Variants in P2RX5 observed in about 807,000 individuals in gnomAD.
P2RX5 encodes the protein P2X purinoceptor 5.
Under a neutral mutation model 54.1 loss-of-function variants are expected in P2RX5, and 46 were observed. The observed-to-expected ratio is 0.85, with a 90% CI of 0.67 to 1.09. The LOEUF (loss-of-function observed/expected upper bound fraction) is 1.09, where lower values mean the gene tolerates loss of function less well. Among genes scored for constraint, P2RX5 ranks in the 50% least tolerant of loss-of-function variants. The pLI, the probability that P2RX5 is intolerant of heterozygous loss-of-function variation, is 0.00. For missense variants in P2RX5, 566 were observed against 549.8 expected, an observed-to-expected ratio of 1.03 and a Z score of -0.29; for synonymous variants, 226 against 226.4, an observed-to-expected ratio of 1.00 and a Z score of 0.02.
chr17:3,714,146 C>T, the P2RX5 span, among the ~76,000 whole-genome samples: 1 of 151,910 alleles, frequency 6.6e-6, no homozygotes, highest in Non-Finnish European at 1.5e-5. Context: ...CCAGGATGGT[C>T]TCCATCTCCT....
chr17:3,690,703 T>G, intron 3 of P2RX5, 23 bp from the exon 4 acceptor site: 2 of 1,611,002 alleles, frequency 1.2e-6, no homozygotes, highest in Non-Finnish European at 1.7e-6. Flanking sequence ...AAGGGGCACC[T>G]GGATGGGGGG....
chr17:3,682,183 G>T, intron 9 of P2RX5: 1 of 613,826 alleles, frequency 1.6e-6, no homozygotes, highest in South Asian at 1.8e-5. Flanking sequence ...CTGGACTGGA[G>T]CTCCCCCGAT....
Position 3,673,715 on chromosome 17 carries a change from G to A in P2RX5, c.*153C>T, listed in dbSNP as rs1354327374. 1 of 1,586,106 alleles carries A rather than the reference G, an allele frequency of 6.3e-7. No homozygotes were observed. The highest frequency in any genetic ancestry group is 8.6e-7 in the Non-Finnish European group (1 of 1,166,756). ...CAGCATCAGACGTGGAGGTCACTTT[G>A]CTCTGTGATGGCTGGTCCCTGTGAT... On this transcript the variant is annotated 3_prime_UTR_variant, in exon 12 of 12. Coordinates refer to ENST00000225328, the MANE Select transcript of P2RX5 (RefSeq NM_002561.4).
intron 10 of P2RX5, among the ~76,000 whole-genome samples, chr17:3,680,272 T>C (rs370672588): frequency 6.6e-3 from 240 of 36,270 alleles, no homozygotes; most frequent in Middle Eastern, 0.022. Flanking sequence ...CTCCACCCAG[T>C]GTCCTCCACC....
chr17:3,684,336 G>A (rs1331970441), intron 9 of P2RX5, among the ~76,000 whole-genome samples: 1 of 152,266 alleles, frequency 6.6e-6, no homozygotes, highest in East Asian at 1.9e-4. Context: ...GGGCGCGGTG[G>A]CTCACGCCCA....
chr17:3,715,090 C>T, the P2RX5 span: 2 of 603,950 alleles, frequency 3.3e-6, no homozygotes, highest in Non-Finnish European at 5.9e-6. Flanking sequence ...CTCTGAATCT[C>T]TCCTGGAGAG....
In P2RX5 at chr17:3,687,999, A is replaced by C. The variant is rs1255365780; in HGVS notation, c.981+13T>G. 8.2e-7 allele frequency: 1 copy of C among 1,218,872 alleles called. No homozygotes were observed. Among genetic ancestry groups the C allele is most frequent in the African/African-American group, 1.6e-5 (1 of 61,432 alleles). 75.5% of individuals were successfully genotyped at this position (1,218,872 alleles called of 1,614,324 possible). ...CCCCCGCCCAGCCTCAGAACAGGAG[A>C]AGGCACACGCACCTTGCCGTTCACC... On this transcript the variant is annotated intron_variant, in intron 9 of 11. Transcript: ENST00000225328.
At chr17:3,711,129 CA>C in the P2RX5 span, among the ~76,000 whole-genome samples, 1 of 152,138 alleles carries the variant, frequency 6.6e-6, no homozygotes, top group Non-Finnish European at 1.5e-5. Context: ...ACCTAAAAGG[CA>C]GCTTGTAGAA....
chr17:3,704,738 G>A, the P2RX5 span, among the ~76,000 whole-genome samples: 1 of 152,200 alleles, frequency 6.6e-6, no homozygotes, highest in African/African-American at 2.4e-5. Context: ...CGGGTGTGGT[G>A]GCTCACACCT....
chr17:3,674,219 G>A (rs2050048005), intron 11 of P2RX5, among the ~76,000 whole-genome samples: 1 of 152,192 alleles, frequency 6.6e-6, no homozygotes, highest in African/African-American at 2.4e-5. Flanking sequence ...GCTCAGGCAG[G>A]GGAATGGCGT....
chr17:3,695,482 G>C (rs933840561), intron 1 of P2RX5, among the ~76,000 whole-genome samples: 2 of 152,270 alleles, frequency 1.3e-5, no homozygotes, highest in African/African-American at 4.8e-5. Context: ...TCAGCTGCCA[G>C]GCCAAGGCCC....
intron 10 of P2RX5, among the ~76,000 whole-genome samples, chr17:3,680,835 G>A (rs537459872): frequency 2.3e-4 from 25 of 109,678 alleles, no homozygotes; most frequent in African/African-American, 4.4e-4. Flanking sequence ...TCCACCCAGC[G>A]TCCTCCACCC....
Position 3,690,066 on chromosome 17 carries a change from G to A in P2RX5, c.614+4C>T, listed in dbSNP as rs762752080. 2.5e-6 allele frequency: 4 copies of A among 1,613,878 alleles called. No individual in the cohort carries two copies. The highest frequency in any genetic ancestry group is 2.2e-5 in the East Asian group (1 of 44,878). On this transcript the variant is annotated splice_donor_region_variant and intron_variant, in intron 6 of 11. Coordinates refer to ENST00000225328, the MANE Select transcript of P2RX5 (RefSeq NM_002561.4). The stretch of plus-strand genomic sequence containing the variant: ...CGTGGCCCCCAGTAGCCAAGCCCAC[G>A]TACTTGGAGAAGTTGAATTTGGGGA...
the P2RX5 span, among the ~76,000 whole-genome samples, chr17:3,706,871 A>C: frequency 6.6e-6 from 1 of 152,208 alleles, no homozygotes; most frequent in Non-Finnish European, 1.5e-5. Context: ...CGGCCTCCCA[A>C]AGTGCTGGGA....
At chr17:3,695,556 C>A (rs2050733380) in intron 1 of P2RX5, among the ~76,000 whole-genome samples, 1 of 152,154 alleles carries the variant, frequency 6.6e-6, no homozygotes, top group Non-Finnish European at 1.5e-5. Flanking sequence ...CTTCCCATGG[C>A]CCTAACACGT....
chr17:3,714,846 C>T, the P2RX5 span: 1 of 1,581,570 alleles, frequency 6.3e-7, no homozygotes, highest in East Asian at 2.2e-5. Flanking sequence ...GATAGCAGGT[C>T]CTAATTCTCT....
the P2RX5 span, among the ~76,000 whole-genome samples, chr17:3,713,832 A>G: frequency 3.3e-5 from 5 of 150,238 alleles, no homozygotes; most frequent in Non-Finnish European, 5.9e-5. Context: ...AAAGATATCA[A>G]TGCTCCCAAA....
At chr17:3,683,878 G>A (rs1291824245) in intron 9 of P2RX5, among the ~76,000 whole-genome samples, 2 of 152,192 alleles carry the variant, frequency 1.3e-5, no homozygotes, top group East Asian at 1.9e-4. Context: ...TCCCAGGAAC[G>A]TGGTCCTGGT....
the P2RX5 span, chr17:3,717,661 G>C: frequency 7.2e-5 from 11 of 152,208 alleles, no homozygotes; most frequent in Non-Finnish European, 1.3e-4. Flanking sequence ...GTGCTTTGGA[G>C]AGGTTTCTGT....
Sources: allele counts gnomAD v4.1 joint callset (sites outside exome capture counted in the v4.1 genomes callset), GRCh38; gene constraint gnomAD v4.1.1; transcripts MANE v1.5; gene names NCBI Gene and HGNC (gene_info 2026-07-23, HGNC 2026-07-21).